ZNF362: variants seen among roughly 807,000 people sequenced by gnomAD.
ZNF362 encodes the protein zinc finger protein 362, also known as rotund homolog.
A neutral mutation model predicts 42.9 loss-of-function variants in ZNF362; 11 were observed. That is an observed-to-expected ratio of 0.26 (90% CI 0.16 to 0.42). The LOEUF (loss-of-function observed/expected upper bound fraction) is 0.42. Among genes scored for constraint, ZNF362 ranks in the 20% least tolerant of loss-of-function variants. ZNF362 has a pLI of 1.00. For synonymous variants in ZNF362, 255 were observed against 257.3 expected (o/e 0.99, Z 0.09); for missense variants, 362 against 576.2 (o/e 0.63, Z 3.81).
At chr1:33,181,005 A>G in the ZNF362 span, 28 of 809,268 alleles carry the variant, frequency 3.5e-5, no homozygotes, top group Non-Finnish European at 4.0e-5. This position sits in a 1 kb window ranked among gnomAD's most constrained non-coding sequence, Gnocchi z 6.5. Context: ...CCCCTTCCCC[A>G]GGCAGGCCGG....
the ZNF362 span, chr1:33,176,516 A>C: frequency 3.4e-4 from 225 of 662,386 alleles, 4 homozygotes; most frequent in South Asian, 3.3e-3. Context: ...CTGAGACTGA[A>C]TCGGATCCCC....
At chr1:33,233,528 T>C in the ZNF362 span, among the ~76,000 whole-genome samples, 6 of 152,210 alleles carry the variant, frequency 3.9e-5, no homozygotes, top group East Asian at 9.7e-4. Context: ...CTCAGCCTCC[T>C]GAGTAGCTAG....
chr1:33,176,174 G>A, the ZNF362 span, among the ~76,000 whole-genome samples: 1 of 152,320 alleles, frequency 6.6e-6, no homozygotes, highest in South Asian at 2.1e-4. Context: ...TCCTGTCCAT[G>A]CTACAAAATA....
chr1:33,240,838 C>A, the ZNF362 span, among the ~76,000 whole-genome samples: 1 of 152,208 alleles, frequency 6.6e-6, no homozygotes, highest in African/African-American at 2.4e-5. Flanking sequence ...CGTTTTCCCC[C>A]ATGCGTGACA....
At chr1:33,222,980 C>T in the ZNF362 span, among the ~76,000 whole-genome samples, 1,040 of 152,172 alleles carry the variant, frequency 6.8e-3, 11 homozygotes, top group African/African-American at 0.016. Context: ...CAGCTGGGCA[C>T]GGTGGCTCAT....
At chr1:33,267,121 A>G (rs1645870138) in intron 1 of ZNF362, among the ~76,000 whole-genome samples, 2 of 151,378 alleles carry the variant, frequency 1.3e-5, no homozygotes, top group Non-Finnish European at 2.9e-5. Flanking sequence ...CCTGAGCCCC[A>G]CTCTCCTGGG....
At chr1:33,229,579 G>C in the ZNF362 span, among the ~76,000 whole-genome samples, 18 of 151,982 alleles carry the variant, frequency 1.2e-4, 1 homozygote, top group Non-Finnish European at 2.6e-4. Flanking sequence ...CTAGCTTTTT[G>C]TATTTTTAGT....
the ZNF362 span, among the ~76,000 whole-genome samples, chr1:33,212,549 A>G: frequency 6.6e-6 from 1 of 152,142 alleles, no homozygotes; most frequent in African/African-American, 2.4e-5. Flanking sequence ...GCATGGCGCT[A>G]GGCATCTGCT....
At chr1:33,298,780 C>G (rs1646142752) in intron 8 of ZNF362, 150 bp from the exon 9 acceptor site, 1 of 692,562 alleles carries the variant, frequency 1.4e-6, no homozygotes, top group South Asian at 1.6e-5. Context: ...AACCAATGGC[C>G]GACGCCCATC....
chr1:33,158,287 G>A, the ZNF362 span: 1 of 1,614,076 alleles, frequency 6.2e-7, no homozygotes, highest in Non-Finnish European at 8.5e-7. Flanking sequence ...ACTTCCAGAT[G>A]GTGTACTGCA....
chr1:33,282,765 T>C (rs2148113138), intron 6 of ZNF362, among the ~76,000 whole-genome samples: 1 of 149,392 alleles, frequency 6.7e-6, no homozygotes, highest in African/African-American at 2.5e-5. Flanking sequence ...GAGGCTGCAG[T>C]GAGCCGAGAT....
the ZNF362 span, among the ~76,000 whole-genome samples, chr1:33,214,315 C>G: frequency 1.3e-5 from 2 of 152,074 alleles, no homozygotes; most frequent in Non-Finnish European, 2.9e-5. Flanking sequence ...GAAAGTAGAC[C>G]CCTATCTCTT....
the ZNF362 span, among the ~76,000 whole-genome samples, chr1:33,136,257 TTTTCTTTCTCTC>T: frequency 6.9e-4 from 105 of 151,270 alleles, no homozygotes; most frequent in Admixed American, 1.4e-3. Context: ...CTCTCTTTCT[TTTTCTTTCTCTC>T]TTTCTTTCTC....
chr1:33,220,292 A>T, the ZNF362 span, among the ~76,000 whole-genome samples: 1 of 152,198 alleles, frequency 6.6e-6, no homozygotes, highest in Non-Finnish European at 1.5e-5. Flanking sequence ...TTTTATTAAT[A>T]ATGATAGCAA....
intron 6 of ZNF362, among the ~76,000 whole-genome samples, chr1:33,292,410 G>T (rs1031017149): frequency 3.3e-5 from 5 of 152,202 alleles, no homozygotes; most frequent in African/African-American, 1.2e-4. Flanking sequence ...GCATCCCAGG[G>T]ATGAAGCCCA....
At chr1:33,259,215 C>T (rs924411728) in intron 1 of ZNF362, among the ~76,000 whole-genome samples, 1 of 152,208 alleles carries the variant, frequency 6.6e-6, no homozygotes, top group African/African-American at 2.4e-5. Flanking sequence ...GCCCCTCTAC[C>T]CATTGCCAGG....
Position 33,300,679 on chromosome 1 carries a change from G to GT in ZNF362, c.*1634dup, listed in dbSNP as rs1646161871. 2.0e-5 allele frequency: 3 copies of GT among 152,108 alleles called. No individual in the cohort carries two copies. Among genetic ancestry groups the GT allele is most frequent in the Admixed American group, 2.0e-4 (3 of 15,260 alleles). 9.4% of individuals were successfully genotyped at this position (152,108 alleles called of 1,614,324 possible). ...AGGAATTACAAACCCTCTGCTCTTTGTATTTCTCTGTTGTGAAGAATAAAC... is the reference window on the plus strand; with the variant it reads ...AGGAATTACAAACCCTCTGCTCTTTGTTATTTCTCTGTTGTGAAGAATAAAC... On this transcript the variant is annotated 3_prime_UTR_variant, in exon 9 of 9. Coordinates refer to ENST00000539719, the MANE Select transcript of ZNF362 (RefSeq NM_152493.3).
chr1:33,295,351 T>C (rs1164678497), intron 8 of ZNF362, 46 bp downstream of exon 8: 1 of 1,596,118 alleles, frequency 6.3e-7, no homozygotes, highest in Non-Finnish European at 8.5e-7. Flanking sequence ...AGCCACTTCG[T>C]CTTCCAGGCC....
chr1:33,213,193 T>G, the ZNF362 span, among the ~76,000 whole-genome samples: 1 of 152,190 alleles, frequency 6.6e-6, no homozygotes, highest in Non-Finnish European at 1.5e-5. Context: ...TTGCCCAGGC[T>G]GGAGTGCAGT....
Sources: gnomAD v4.1 joint callset for allele counts (sites outside exome capture counted in the v4.1 genomes callset) on GRCh38, gnomAD v4.1.1 for gene constraint, Gnocchi (gnomAD v3.1) non-coding constraint, MANE v1.5 for transcripts, NCBI Gene and HGNC (gene_info 2026-07-23, HGNC 2026-07-21) for gene names.